The following DOCK3 variants were observed in gnomAD, a reference collection of about 807,000 sequenced individuals.
DOCK3 encodes the protein dedicator of cytokinesis 3, also known as dedicator of cytokinesis protein 3.
Under a neutral mutation model 265.6 loss-of-function variants are expected in DOCK3, and 60 were observed. That is an observed-to-expected ratio of 0.23 (90% CI 0.18 to 0.28). The LOEUF (loss-of-function observed/expected upper bound fraction) is 0.28. DOCK3 is among the 10% of genes least tolerant of loss of function. The pLI, the probability that DOCK3 is intolerant of heterozygous loss-of-function variation, is 1.00. For missense variants in DOCK3, 1,981 were observed against 2,594.3 expected, an observed-to-expected ratio of 0.76 and a Z score of 5.14; for synonymous variants, 881 against 938.0, an observed-to-expected ratio of 0.94 and a Z score of 1.11.
chr3:51,246,493 G>A (rs1312227334), intron 21 of DOCK3, among the ~76,000 whole-genome samples: 1 of 152,198 alleles, frequency 6.6e-6, no homozygotes, highest in Admixed American at 6.5e-5. Flanking sequence ...ATGTCAGAGA[G>A]AGTGGGAAAA....
intron 3 of DOCK3, among the ~76,000 whole-genome samples, chr3:50,889,174 G>A (rs1389561932): frequency 6.6e-6 from 1 of 150,408 alleles, no homozygotes. Context: ...ATAGCTCACT[G>A]TAGCCCCAAA....
chr3:51,158,967 GA>G (rs1291169362), intron 10 of DOCK3, among the ~76,000 whole-genome samples: 9 of 152,194 alleles, frequency 5.9e-5, no homozygotes, highest in African/African-American at 1.9e-4. Context: ...GCGATATCAT[GA>G]AGATTTCTAA....
At chr3:51,316,275 C>T (rs1261927208) in intron 32 of DOCK3, among the ~76,000 whole-genome samples, 2 of 152,190 alleles carry the variant, frequency 1.3e-5, no homozygotes, top group Non-Finnish European at 2.9e-5. Flanking sequence ...GCCCCTTTCA[C>T]TTAGCATAAT....
chr3:50,803,958 G>T (rs986750590), intron 2 of DOCK3, among the ~76,000 whole-genome samples: 2 of 152,048 alleles, frequency 1.3e-5, no homozygotes, highest in Non-Finnish European at 2.9e-5. Flanking sequence ...CGGCTGCCGG[G>T]CAGAGGGGCT....
At chr3:50,930,829 G>A (rs969769012) in intron 4 of DOCK3, among the ~76,000 whole-genome samples, 1 of 152,218 alleles carries the variant, frequency 6.6e-6, no homozygotes, top group African/African-American at 2.4e-5. Context: ...TGTCTGTGGG[G>A]TGGGCATGGC....
chr3:50,702,783 G>A (rs997399755), intron 1 of DOCK3, among the ~76,000 whole-genome samples: 1 of 150,330 alleles, frequency 6.7e-6, no homozygotes, highest in Non-Finnish European at 1.5e-5. Flanking sequence ...AGATCATACT[G>A]TTTTCAGATG....
intron 32 of DOCK3, 78 bp downstream of exon 32, chr3:51,315,206 C>T (rs774288139): frequency 9.5e-5 from 139 of 1,459,902 alleles, no homozygotes; most frequent in Non-Finnish European, 1.2e-4. Context: ...GATGACCAAG[C>T]CATGATTCTA....
At chr3:50,833,957 A>C (rs1035595277) in intron 2 of DOCK3, among the ~76,000 whole-genome samples, 1 of 152,206 alleles carries the variant, frequency 6.6e-6, no homozygotes, top group East Asian at 1.9e-4. Flanking sequence ...TAAAAGCTGT[A>C]AGTAGCTCAA....
At chr3:51,178,821 T>G (rs1576331217) in intron 12 of DOCK3, among the ~76,000 whole-genome samples, 1 of 152,180 alleles carries the variant, frequency 6.6e-6, no homozygotes, top group Non-Finnish European at 1.5e-5. Flanking sequence ...TTGACAGATA[T>G]GAACACAGAA....
chr3:51,119,398 T>C (rs775657613), intron 9 of DOCK3, among the ~76,000 whole-genome samples: 4 of 152,196 alleles, frequency 2.6e-5, no homozygotes, highest in Non-Finnish European at 4.4e-5. Context: ...GCCCTTAACA[T>C]TTTTTCCTTC....
In DOCK3 at chr3:51,044,688, T is replaced by C. The variant is rs182132166; in HGVS notation, c.316-19760T>C. ...GAAAATCTGTTGTTTCCTGTACCCA[T>C]GTTCATCAGTGATCTTAGCTAGATC... On this transcript the variant is annotated intron_variant, in intron 5 of 52. Transcript: ENST00000266037. Among the ~76,000 whole-genome samples the C allele has an allele frequency of 7.0e-3, 1,068 of 152,262 alleles. 7 individuals carry two copies. The highest frequency in any genetic ancestry group is 0.012 in the Non-Finnish European group (797 of 68,006).
intron 9 of DOCK3, among the ~76,000 whole-genome samples, chr3:51,130,260 T>C (rs1378937977): frequency 6.6e-6 from 1 of 152,248 alleles, no homozygotes; most frequent in Non-Finnish European, 1.5e-5. Flanking sequence ...TGTGATATCT[T>C]GCAGAAGTGA....
intron 1 of DOCK3, among the ~76,000 whole-genome samples, chr3:50,716,500 C>A (rs1318573254): frequency 6.6e-6 from 1 of 151,598 alleles, no homozygotes; most frequent in African/African-American, 2.4e-5. Flanking sequence ...TGCACTCCAG[C>A]CTGGGCGACA....
chr3:51,304,528 C>T (rs948747432), intron 27 of DOCK3, among the ~76,000 whole-genome samples: 11 of 152,218 alleles, frequency 7.2e-5, no homozygotes, highest in African/African-American at 2.7e-4. Context: ...ACTCAGTTGT[C>T]TTAGCCTCCA....
At position 51,064,614 on chromosome 3, in the gene DOCK3, T is replaced by A; in HGVS notation, c.464+18T>A. On this transcript the variant is annotated intron_variant, in intron 6 of 52. Transcript: ENST00000266037. ...GGTAATGAGTAAGTATGAAAATTGT[T>A]TGGGTATCTCTCAGTTTCATTTATG... The A allele has an allele frequency of 6.2e-7, 1 of 1,610,778 alleles. No homozygotes were observed.
intron 5 of DOCK3, among the ~76,000 whole-genome samples, chr3:51,062,879 T>C (rs1298733033): frequency 6.6e-6 from 1 of 152,236 alleles, no homozygotes; most frequent in Non-Finnish European, 1.5e-5. Context: ...TCGTCAAGAT[T>C]CCAATTTTCC....
chr3:50,765,359 C>T (rs1021017779), intron 1 of DOCK3, among the ~76,000 whole-genome samples: 2 of 152,102 alleles, frequency 1.3e-5, no homozygotes, highest in Non-Finnish European at 2.9e-5. Context: ...GCTGGGATTA[C>T]AGGCATGAGC....
At chr3:50,913,800 C>T (rs930044073) in intron 4 of DOCK3, among the ~76,000 whole-genome samples, 6 of 152,062 alleles carry the variant, frequency 3.9e-5, no homozygotes, top group African/African-American at 9.7e-5. Context: ...CCTCTCTGTA[C>T]TACTGCTGGG....
intron 10 of DOCK3, among the ~76,000 whole-genome samples, chr3:51,150,492 C>G (rs1288618716): frequency 5.3e-5 from 8 of 152,214 alleles, no homozygotes; most frequent in Admixed American, 3.9e-4. Flanking sequence ...ACATTTCCCT[C>G]TACACACTGC....
Sources: allele counts gnomAD v4.1 joint callset (sites outside exome capture counted in the v4.1 genomes callset), GRCh38; gene constraint gnomAD v4.1.1; transcripts MANE v1.5; gene names NCBI Gene and HGNC (gene_info 2026-07-23, HGNC 2026-07-21).